Variants in TCF20 observed in about 807,000 individuals in gnomAD.
TCF20 encodes the protein SPRE-binding protein.
In TCF20, 3 loss-of-function variants were observed where a neutral mutation model predicts 148.6. That is an observed-to-expected ratio of 0.02 (90% CI 0.01 to 0.05). TCF20 has a LOEUF of 0.05. Among genes scored for constraint, TCF20 ranks in the 10% least tolerant of loss-of-function variants. The pLI is 1.00. For synonymous variants in TCF20, 1,049 were observed against 909.5 expected (o/e 1.15, Z -2.76); for missense variants, 2,350 against 2,429.3 (o/e 0.97, Z 0.69).
At chr22:42,238,973 CCAGG>C (rs1198149314) in intron 1 of TCF20, among the ~76,000 whole-genome samples, 22 of 151,710 alleles carry the variant, frequency 1.5e-4, no homozygotes, top group Non-Finnish European at 2.9e-4. Flanking sequence ...AAAAAATTAG[CCAGG>C]TGTGATGGCG....
At chr22:42,324,837 T>C (rs1341847516) in intron 1 of TCF20, among the ~76,000 whole-genome samples, 2 of 152,234 alleles carry the variant, frequency 1.3e-5, no homozygotes, top group East Asian at 1.9e-4. Context: ...GGGAGTCTTA[T>C]TATCTCCATC....
At chr22:42,316,598 C>T (rs983896413) in intron 1 of TCF20, among the ~76,000 whole-genome samples, 3 of 152,148 alleles carry the variant, frequency 2.0e-5, no homozygotes, top group Admixed American at 2.0e-4. Flanking sequence ...CCACCACGCC[C>T]GGCTGATTTT....
At chr22:42,253,623 C>A (rs1925553137) in intron 1 of TCF20, among the ~76,000 whole-genome samples, 1 of 152,068 alleles carries the variant, frequency 6.6e-6, no homozygotes, top group Non-Finnish European at 1.5e-5. Flanking sequence ...ATGTTAAAAT[C>A]TAATATTTTG....
At position 42,160,946 on chromosome 22, in the gene TCF20, T is replaced by C. The variant is rs535557402; in HGVS notation, c.*457A>G. Reference sequence around the variant, plus strand: ...TTCAATCTCACATTTAAATTTCACTTGTCATCGGAACAAATTTGGAGATCT... The same window carrying C: ...TTCAATCTCACATTTAAATTTCACTCGTCATCGGAACAAATTTGGAGATCT... On this transcript the variant is annotated 3_prime_UTR_variant, in exon 6 of 6. Coordinates refer to ENST00000677622, the MANE Select transcript of TCF20 (RefSeq NM_001378418.1). 3.0e-5 allele frequency: 5 copies of C among 165,464 alleles called. No individual in the cohort carries two copies. The highest frequency in any genetic ancestry group is 3.0e-3 in the Middle Eastern group (1 of 334). 10.2% of individuals were successfully genotyped at this position (165,464 alleles called of 1,614,324 possible).
chr22:42,288,010 G>A (rs1274736492), upstream of TCF20, among the ~76,000 whole-genome samples: 1 of 152,214 alleles, frequency 6.6e-6, no homozygotes, highest in Non-Finnish European at 1.5e-5. Context: ...AGCACCCTGG[G>A]CAAAGAGGAG....
chr22:42,198,448 A>C (rs1601567505), intron 2 of TCF20, among the ~76,000 whole-genome samples: 1 of 152,324 alleles, frequency 6.6e-6, no homozygotes, highest in Non-Finnish European at 1.5e-5. Flanking sequence ...GCCAATACCA[A>C]ACTCCACGGA....
chr22:42,268,294 T>C (rs1926403414), intron 1 of TCF20, among the ~76,000 whole-genome samples: 1 of 152,214 alleles, frequency 6.6e-6, no homozygotes, highest in Non-Finnish European at 1.5e-5. Context: ...AATTCTGAGG[T>C]TGGTATAGAA....
chr22:42,235,997 C>T, intron 1 of TCF20, among the ~76,000 whole-genome samples: 1 of 152,144 alleles, frequency 6.6e-6, no homozygotes, highest in Non-Finnish European at 1.5e-5. Flanking sequence ...AGTTCAAGAT[C>T]AGCCTGGCCA....
intron 1 of TCF20, among the ~76,000 whole-genome samples, chr22:42,308,045 C>T (rs866439610): frequency 3.9e-5 from 6 of 152,230 alleles, no homozygotes; most frequent in Admixed American, 1.3e-4. Flanking sequence ...CTGGTTTTTA[C>T]GCTATGCATT....
intron 5 of TCF20, among the ~76,000 whole-genome samples, chr22:42,163,431 A>G (rs923600673): frequency 6.6e-6 from 1 of 152,236 alleles, no homozygotes; most frequent in African/African-American, 2.4e-5. Flanking sequence ...TAACTTTTCA[A>G]GAGTTACTTT....
At chr22:42,185,428 A>T (rs776660759) in intron 2 of TCF20, among the ~76,000 whole-genome samples, 50 of 152,234 alleles carry the variant, frequency 3.3e-4, no homozygotes, top group Non-Finnish European at 4.1e-4. Flanking sequence ...GCCTGAAGAC[A>T]ACTAATGAGG....
chr22:42,338,915 AG>A lies in TCF20; in HGVS notation c.-37+4563del, dbSNP rs1928115841. The stretch of plus-strand genomic sequence containing the variant: ...CGGAGATCTAAGGATGGGGGTGAGC[AG>A]GGTGTCTGGTCCCATTTTTCAGATA... On this transcript the variant is annotated intron_variant, in intron 1 of 1. Coordinates refer to the TCF20 transcript ENST00000515426. The surrounding 1 kb of genome is among the most constrained non-coding windows in gnomAD (Gnocchi z 4.0). 6.6e-6 allele frequency among the ~76,000 whole-genome samples: 1 copy of A among 152,262 alleles called. No individual in the cohort carries two copies. Among genetic ancestry groups the A allele is most frequent in the South Asian group, 2.1e-4 (1 of 4,822 alleles).
chr22:42,327,059 T>C (rs1486064930), intron 1 of TCF20, among the ~76,000 whole-genome samples: 1 of 152,176 alleles, frequency 6.6e-6, no homozygotes, highest in Non-Finnish European at 1.5e-5. Flanking sequence ...CAGGCACTTC[T>C]CCAAGAGACT....
chr22:42,310,972 T>C (rs887358158), intron 1 of TCF20, among the ~76,000 whole-genome samples: 3 of 152,254 alleles, frequency 2.0e-5, no homozygotes, highest in Admixed American at 6.5e-5. Context: ...TGGATGACAC[T>C]GGCTCATCAA....
chr22:42,334,986 T>G (rs1002306136), intron 1 of TCF20, among the ~76,000 whole-genome samples: 12 of 152,136 alleles, frequency 7.9e-5, no homozygotes, highest in Non-Finnish European at 1.6e-4. Flanking sequence ...TCTCAGGCCC[T>G]GGCTGCCTAC....
At chr22:42,294,305 C>G (rs6002672) in intron 1 of TCF20, among the ~76,000 whole-genome samples, 15,550 of 152,320 alleles carry the variant, frequency 0.1, 949 homozygotes, top group African/African-American at 0.16. Context: ...CTAGCCCCCT[C>G]TCCCGGAGGA....
At chr22:42,175,417 T>G (rs952241883) in intron 3 of TCF20, among the ~76,000 whole-genome samples, 5 of 151,776 alleles carry the variant, frequency 3.3e-5, no homozygotes, top group Admixed American at 1.3e-4. Context: ...CTCAGCTCAC[T>G]GCAACCTCCA....
intron 2 of TCF20, among the ~76,000 whole-genome samples, chr22:42,197,709 A>G (rs1330144190): frequency 3.9e-5 from 6 of 152,232 alleles, no homozygotes; most frequent in Non-Finnish European, 7.3e-5. Context: ...AATTTTCCAG[A>G]GAAGTGATTC....
intron 1 of TCF20, among the ~76,000 whole-genome samples, chr22:42,333,611 C>T (rs1928016091): frequency 1.3e-5 from 2 of 152,242 alleles, no homozygotes; most frequent in South Asian, 4.1e-4. Flanking sequence ...GTGTAAAAAC[C>T]CTCATATCAG....
Sources: gnomAD v4.1 joint callset for allele counts (sites outside exome capture counted in the v4.1 genomes callset) on GRCh38, gnomAD v4.1.1 for gene constraint, Gnocchi (gnomAD v3.1) non-coding constraint, MANE v1.5 for transcripts, NCBI Gene and HGNC (gene_info 2026-07-23, HGNC 2026-07-21) for gene names.